Variants in ZNRF1 observed in about 807,000 individuals in gnomAD.
ZNRF1 encodes the protein zinc and ring finger 1, also known as E3 ubiquitin-protein ligase ZNRF1.
In ZNRF1, 3 loss-of-function variants were observed where a neutral mutation model predicts 18.4. The observed-to-expected ratio is 0.16, with a 90% confidence interval of 0.07 to 0.42. The LOEUF (loss-of-function observed/expected upper bound fraction) is 0.42. Among genes scored for constraint, ZNRF1 ranks in the 10% least tolerant of loss-of-function variants. The pLI is 0.99. For synonymous variants in ZNRF1, 157 were observed against 144.2 expected (o/e 1.09, Z -0.64); for missense variants, 310 against 329.8 (o/e 0.94, Z 0.47).
intron 1 of ZNRF1, among the ~76,000 whole-genome samples, chr16:75,058,550 C>T (rs962080044): frequency 6.6e-6 from 1 of 152,188 alleles, no homozygotes; most frequent in Non-Finnish European, 1.5e-5. Context: ...GACAACTACT[C>T]TAGACCAGAA....
chr16:75,020,232 T>C (rs2035126575), intron 1 of ZNRF1, among the ~76,000 whole-genome samples: 1 of 152,176 alleles, frequency 6.6e-6, no homozygotes, highest in African/African-American at 2.4e-5. Flanking sequence ...GCTTTCTTTT[T>C]GTAAATATTT....
chr16:75,032,675 A>G (rs1329670999), intron 1 of ZNRF1, among the ~76,000 whole-genome samples: 3 of 152,210 alleles, frequency 2.0e-5, no homozygotes, highest in African/African-American at 7.2e-5. Flanking sequence ...TATATCTAAA[A>G]TGTATAAAAA....
intron 1 of ZNRF1, among the ~76,000 whole-genome samples, chr16:75,026,719 T>A (rs905014200): frequency 6.6e-6 from 1 of 151,978 alleles, no homozygotes; most frequent in Non-Finnish European, 1.5e-5. Flanking sequence ...GCAGATTACT[T>A]GAGGCCAGGA....
chr16:75,067,438 A>G, intron 1 of ZNRF1, among the ~76,000 whole-genome samples: 1 of 150,294 alleles, frequency 6.7e-6, no homozygotes, highest in East Asian at 1.9e-4. Context: ...TTTGGAAAAT[A>G]CAGTCTGCTA....
intron 1 of ZNRF1, among the ~76,000 whole-genome samples, chr16:75,001,760 G>C (rs1218428080): frequency 6.6e-6 from 1 of 152,000 alleles, no homozygotes; most frequent in Non-Finnish European, 1.5e-5. Flanking sequence ...TGCTTTTTTT[G>C]CTAAAATTTC....
chr16:75,041,515 C>T (rs568404518), intron 1 of ZNRF1, among the ~76,000 whole-genome samples: 1 of 151,484 alleles, frequency 6.6e-6, no homozygotes, highest in Admixed American at 6.6e-5. Flanking sequence ...TTTTTTGTTA[C>T]AGATGGGGTT....
At chr16:75,000,256 G>C in intron 1 of ZNRF1, 161 bp downstream of exon 1, 1 of 1,079,708 alleles carries the variant, frequency 9.3e-7, no homozygotes. Flanking sequence ...CTACCGTCTG[G>C]AAACTAGGCT....
chr16:75,037,702 C>G (rs1246575961), intron 1 of ZNRF1, among the ~76,000 whole-genome samples: 1 of 152,064 alleles, frequency 6.6e-6, no homozygotes, highest in African/African-American at 2.4e-5. Flanking sequence ...ACCTTTTCTT[C>G]CATCTCCTTT....
chr16:75,066,421 T>C (rs971121288), intron 1 of ZNRF1, among the ~76,000 whole-genome samples: 8 of 152,246 alleles, frequency 5.3e-5, no homozygotes, highest in Non-Finnish European at 1.2e-4. Context: ...ATTTTATGTT[T>C]AACATTCTCA....
intron 1 of ZNRF1, among the ~76,000 whole-genome samples, chr16:75,033,262 C>CAA (rs56265355): frequency 1.5e-4 from 12 of 81,508 alleles, no homozygotes; most frequent in Admixed American, 4.1e-4. Context: ...TTTATTTCTA[C>CAA]AAAAAAAAAA....
intron 1 of ZNRF1, among the ~76,000 whole-genome samples, chr16:75,037,026 T>C (rs149229394): frequency 6.6e-6 from 1 of 152,306 alleles, no homozygotes; most frequent in East Asian, 1.9e-4. Flanking sequence ...CACATGCTCT[T>C]ATTTTTTTCC....
intron 1 of ZNRF1, among the ~76,000 whole-genome samples, chr16:75,025,541 A>G (rs1477925205): frequency 2.0e-5 from 3 of 152,056 alleles, no homozygotes; most frequent in Non-Finnish European, 4.4e-5. Flanking sequence ...CAATTTCTCT[A>G]TGAGTTGTTA....
At position 75,000,212 on chromosome 16, in the gene ZNRF1, T is replaced by C. The variant is rs751330069; in HGVS notation, c.424+117T>C. 12 of 1,411,588 alleles carry C rather than the reference T, an allele frequency of 8.5e-6. No homozygotes were observed. In the African/African-American group the frequency reaches 1.7e-4, roughly 20 times the overall value. 87.4% of individuals were successfully genotyped at this position (1,411,588 alleles called of 1,614,324 possible). A position where few individuals can be genotyped will look rare whatever the true frequency, so the allele number is the denominator to read the frequency against. On this transcript the variant is annotated intron_variant, in intron 1 of 4. Transcript: ENST00000335325. ...ACGACCGGGATCTGTCTGCATTCCCTTTGGTTCCCGATGCCAAGGGATAAA... is the reference window on the plus strand; with the variant it reads ...ACGACCGGGATCTGTCTGCATTCCCCTTGGTTCCCGATGCCAAGGGATAAA...
intron 1 of ZNRF1, among the ~76,000 whole-genome samples, chr16:75,038,847 T>C (rs1002709103): frequency 2.6e-5 from 4 of 152,196 alleles, no homozygotes; most frequent in African/African-American, 9.7e-5. Flanking sequence ...TTGAAAATAA[T>C]TTAAGTGCTG....
At chr16:75,054,292 T>C (rs2035642851) in intron 1 of ZNRF1, among the ~76,000 whole-genome samples, 1 of 152,262 alleles carries the variant, frequency 6.6e-6, no homozygotes, top group African/African-American at 2.4e-5. Flanking sequence ...ATAAATGCAG[T>C]GACCTTTGTT....
chr16:75,039,058 T>G (rs1295685055), intron 1 of ZNRF1, among the ~76,000 whole-genome samples: 1 of 152,226 alleles, frequency 6.6e-6, no homozygotes, highest in Non-Finnish European at 1.5e-5. Context: ...ATTGAACCAT[T>G]GAAAATGGCA....
chr16:75,030,729 A>G (rs1037621239), intron 1 of ZNRF1, among the ~76,000 whole-genome samples: 12 of 152,020 alleles, frequency 7.9e-5, no homozygotes, highest in Non-Finnish European at 1.3e-4. Context: ...GACATTTTAT[A>G]TAAATGGGAT....
At chr16:75,022,262 T>C (rs898310739) in intron 1 of ZNRF1, among the ~76,000 whole-genome samples, 4 of 134,050 alleles carry the variant, frequency 3.0e-5, no homozygotes, top group Admixed American at 2.3e-4. Context: ...CTCAAAAATT[T>C]TTTTAAAAAA....
chr16:75,068,857 C>T (rs1164085510), intron 1 of ZNRF1, among the ~76,000 whole-genome samples: 1 of 152,054 alleles, frequency 6.6e-6, no homozygotes, highest in East Asian at 1.9e-4. Flanking sequence ...ACATCTATTC[C>T]CTTACTTGTC....
Sources: allele counts gnomAD v4.1 joint callset (sites outside exome capture counted in the v4.1 genomes callset), GRCh38; gene constraint gnomAD v4.1.1; transcripts MANE v1.5; gene names NCBI Gene and HGNC (gene_info 2026-07-23, HGNC 2026-07-21).